Variants in CDK14 observed in about 807,000 individuals in gnomAD.
CDK14 encodes the protein cyclin-dependent kinase 14.
Under a neutral mutation model 60.7 loss-of-function variants are expected in CDK14, and 34 were observed. That is an observed-to-expected ratio of 0.56 (90% CI 0.43 to 0.75). The LOEUF (loss-of-function observed/expected upper bound fraction) is 0.75, where lower values mean the gene tolerates loss of function less well. Ranked by LOEUF, CDK14 falls within the 30% of genes least tolerant of loss-of-function variation. The pLI is 0.00. For missense variants in CDK14, 482 were observed against 564.1 expected, an observed-to-expected ratio of 0.85 and a Z score of 1.47; for synonymous variants, 197 against 203.7, an observed-to-expected ratio of 0.97 and a Z score of 0.28.
At chr7:90,827,038 G>A (rs1789749735) in intron 5 of CDK14, among the ~76,000 whole-genome samples, 1 of 151,878 alleles carries the variant, frequency 6.6e-6, no homozygotes, top group Admixed American at 6.6e-5. Flanking sequence ...GTATCATGCA[G>A]AATACTTTCA....
intron 2 of CDK14, among the ~76,000 whole-genome samples, chr7:90,641,602 G>T (rs17866306): frequency 0.015 from 2,277 of 151,868 alleles, 21 homozygotes; most frequent in Middle Eastern, 0.041. Flanking sequence ...GTAGATTAAT[G>T]GTTGCTTAGG....
rs1330885035 is a variant in CDK14 at position 91,167,318 on chromosome 7, C to G, written c.*29-39847C>G. Among the ~76,000 whole-genome samples the G allele has an allele frequency of 2.0e-5, 3 of 152,204 alleles. No homozygotes were observed. In the East Asian group the frequency reaches 5.8e-4, roughly 29 times the overall value. The stretch of plus-strand genomic sequence containing the variant: ...TAAAAAAGGAGAAACAAAGGGCTCT[C>G]CACATTTGCCTTATTATATGACGTC... On this transcript the variant is annotated intron_variant, in intron 14 of 14. Coordinates refer to ENST00000380050, the MANE Select transcript of CDK14 (RefSeq NM_001287135.2).
intron 7 of CDK14, 98 bp from the exon 8 acceptor site, chr7:90,917,503 A>C: frequency 8.5e-7 from 1 of 1,179,642 alleles, no homozygotes; most frequent in Non-Finnish European, 1.2e-6. Context: ...ATGGTTACCC[A>C]TTTTCCCTAA....
intron 2 of CDK14, among the ~76,000 whole-genome samples, chr7:90,668,620 A>AGTTTT (rs57948773): frequency 0.31 from 45,776 of 148,932 alleles, 7,836 homozygotes; most frequent in East Asian, 0.67. Flanking sequence ...TTCTTCTGAG[A>AGTTTT]GTTTTATAGT....
intron 14 of CDK14, among the ~76,000 whole-genome samples, chr7:91,183,604 T>C (rs1032935654): frequency 2.6e-4 from 39 of 152,226 alleles, no homozygotes; most frequent in African/African-American, 8.9e-4. Context: ...TTGCTATGAC[T>C]ACAGGCTCTC....
intron 14 of CDK14, among the ~76,000 whole-genome samples, chr7:91,182,401 A>AT (rs1051828539): frequency 6.6e-6 from 1 of 151,734 alleles, no homozygotes. Context: ...TGCCTTTTAC[A>AT]TTTTTTTGTT....
At chr7:90,646,747 A>G (rs1242887602) in intron 2 of CDK14, among the ~76,000 whole-genome samples, 20 of 152,176 alleles carry the variant, frequency 1.3e-4, no homozygotes, top group Admixed American at 1.3e-3. Context: ...CATTCTGTTC[A>G]TAGGTTGCAT....
intron 14 of CDK14, among the ~76,000 whole-genome samples, chr7:91,145,242 C>G (rs568035535): frequency 6.6e-6 from 1 of 152,324 alleles, no homozygotes; most frequent in East Asian, 1.9e-4. Flanking sequence ...ATTGAGCAAT[C>G]TCACTGCGAT....
chr7:90,702,452 T>C (rs1161573044), intron 2 of CDK14, among the ~76,000 whole-genome samples: 1 of 152,094 alleles, frequency 6.6e-6, no homozygotes, highest in African/African-American at 2.4e-5. Context: ...CAAAAGCCTT[T>C]TTTTGGTTTT....
At chr7:91,020,414 T>C (rs2115870219) in intron 10 of CDK14, among the ~76,000 whole-genome samples, 1 of 152,292 alleles carries the variant, frequency 6.6e-6, no homozygotes, top group South Asian at 2.1e-4. Context: ...GTAATGAGAA[T>C]ACAGCATTGA....
chr7:91,057,319 G>A (rs1312510452), intron 11 of CDK14, among the ~76,000 whole-genome samples: 9 of 152,104 alleles, frequency 5.9e-5, no homozygotes, highest in Admixed American at 2.0e-4. Flanking sequence ...TTTGTCAGAT[G>A]AGTAGATTGC....
chr7:90,756,595 G>T (rs1804069895), intron 4 of CDK14, among the ~76,000 whole-genome samples: 1 of 152,154 alleles, frequency 6.6e-6, no homozygotes, highest in African/African-American at 2.4e-5. Flanking sequence ...GAGATGACAG[G>T]CTCCCTGGCT....
intron 10 of CDK14, among the ~76,000 whole-genome samples, chr7:91,023,349 A>AT (rs145272909): frequency 0.016 from 2,418 of 152,140 alleles, 23 homozygotes; most frequent in Non-Finnish European, 0.022. Flanking sequence ...GGTGTTCTTG[A>AT]TTTTCATGTC....
At position 91,175,204 on chromosome 7, in the gene CDK14, A is replaced by C. The variant is rs1021312594; in HGVS notation, c.*29-31961A>C. 7.8e-4 allele frequency among the ~76,000 whole-genome samples: 118 copies of C among 152,026 alleles called. 1 individual carries two copies. The highest frequency in any genetic ancestry group is 2.1e-4 in the Non-Finnish European group (14 of 68,020). On this transcript the variant is annotated intron_variant, in intron 14 of 14. Coordinates refer to ENST00000380050, the MANE Select transcript of CDK14 (RefSeq NM_001287135.2). ...AACCCAGAATTTCATATCCAGCCAA[A>C]CTAAGCGTCATAAGTGAAGGAGAAA... is the stretch of plus-strand genomic sequence containing the variant.
At chr7:91,028,839 A>G (rs1158827566) in intron 10 of CDK14, among the ~76,000 whole-genome samples, 1 of 151,804 alleles carries the variant, frequency 6.6e-6, no homozygotes, top group African/African-American at 2.4e-5. Context: ...CAGATTCTGG[A>G]TATTAGTCCT....
intron 4 of CDK14, among the ~76,000 whole-genome samples, chr7:90,773,884 CTCCTCTCCTCT>C (rs1804896571): frequency 8.9e-6 from 1 of 111,792 alleles, no homozygotes; most frequent in Non-Finnish European, 1.8e-5. Flanking sequence ...CTCCTCTCCT[CTCCTCTCCTCT>C]TTTCTTTCTT....
chr7:91,129,088 G>C (rs1800042282), intron 14 of CDK14, among the ~76,000 whole-genome samples: 2 of 152,170 alleles, frequency 1.3e-5, no homozygotes, highest in African/African-American at 4.8e-5. Flanking sequence ...TATGTCAGCA[G>C]ATCTCAAAGT....
intron 9 of CDK14, among the ~76,000 whole-genome samples, chr7:90,958,719 A>G (rs1233126240): frequency 3.9e-5 from 6 of 152,110 alleles, no homozygotes; most frequent in Non-Finnish European, 1.5e-5. Context: ...TCATTACTTA[A>G]GATTCTTGTG....
chr7:91,114,310 G>A (rs1436980081), intron 13 of CDK14, among the ~76,000 whole-genome samples: 1 of 152,114 alleles, frequency 6.6e-6, no homozygotes, highest in African/African-American at 2.4e-5. Flanking sequence ...TCAGCCAGTG[G>A]TTAAATCCAG....
Sources: allele counts gnomAD v4.1 joint callset (sites outside exome capture counted in the v4.1 genomes callset), GRCh38; gene constraint gnomAD v4.1.1; transcripts MANE v1.5; gene names NCBI Gene and HGNC (gene_info 2026-07-23, HGNC 2026-07-21).